Variants in GLDC observed in about 807,000 individuals in gnomAD.
The protein encoded by GLDC is glycine decarboxylase, also known as glycine dehydrogenase (decarboxylating), mitochondrial.
A neutral mutation model predicts 121.3 loss-of-function variants in GLDC; 104 were observed. The observed-to-expected ratio is 0.86, with a 90% confidence interval of 0.73 to 1.01. The LOEUF (loss-of-function observed/expected upper bound fraction) is 1.01. GLDC is among the 50% of genes least tolerant of loss of function. GLDC has a pLI of 0.00. For missense variants in GLDC, 1,429 were observed against 1,306.6 expected (o/e 1.09, Z -1.44); for synonymous variants, 546 against 480.6 (o/e 1.14, Z -1.78).
chr9:6,637,805 A>G (rs144885121), intron 2 of GLDC, among the ~76,000 whole-genome samples: 2 of 152,082 alleles, frequency 1.3e-5, no homozygotes, highest in South Asian at 4.2e-4. Flanking sequence ...AATTTTAATA[A>G]GAAAGGAAAA....
intron 16 of GLDC, among the ~76,000 whole-genome samples, chr9:6,560,150 T>C (rs971136778): frequency 2.0e-5 from 3 of 152,196 alleles, no homozygotes; most frequent in Non-Finnish European, 2.9e-5. Flanking sequence ...AGTGGGAAAG[T>C]AAGTCAGAAG....
intron 3 of GLDC, among the ~76,000 whole-genome samples, chr9:6,618,807 C>T (rs887656993): frequency 3.3e-5 from 5 of 151,996 alleles, no homozygotes; most frequent in Admixed American, 1.3e-4. Context: ...CCAGAGTGGA[C>T]AGGAGACAGA....
In GLDC at chr9:6,592,831, A is replaced by G; in HGVS notation, c.1401+20T>C. 1.2e-6 allele frequency: 2 copies of G among 1,609,520 alleles called. No individual in the cohort carries two copies. The highest frequency in any genetic ancestry group is 2.2e-5 in the South Asian group (2 of 90,752). On this transcript the variant is annotated intron_variant, in intron 10 of 24. Transcript: ENST00000321612. ...GTGAAAATTTGAAAAACTGGTAAAA[A>G]TACTGAAAATTTGACTTACTGTGCC... is the stretch of plus-strand genomic sequence containing the variant.
Position 6,604,637 on chromosome 9 carries a change from G to T in GLDC, c.1009C>A (p.Arg337=). 1 of 1,613,528 alleles carries T rather than the reference G, an allele frequency of 6.2e-7. No homozygotes were observed. Among genetic ancestry groups the T allele is most frequent in the Non-Finnish European group, 8.5e-7 (1 of 1,179,978 alleles). Reference sequence around the variant, plus strand: ...GGCATCATTCTCACCAAGCTTTCTCGGACAGCAAAAAATGCTGCATGGGGT... The same window carrying T: ...GGCATCATTCTCACCAAGCTTTCTCTGACAGCAAAAAATGCTGCATGGGGT... ...GGPHAAFFAV[R]ESLVRMMPGR... is the part of the protein sequence containing the mutation. Residue 337 remains arginine (R), a synonymous_variant, in exon 7 of 25, where the codon CGA becomes AGA. Transcript: ENST00000321612.
At chr9:6,599,318 A>T (rs1818552616) in intron 8 of GLDC, among the ~76,000 whole-genome samples, 1 of 152,210 alleles carries the variant, frequency 6.6e-6, no homozygotes, top group South Asian at 2.1e-4. Context: ...ACCTGGAGGA[A>T]CCTGAGGAGA....
chr9:6,639,669 G>GTATATATATATATTTATATATATA (rs1819588780), intron 2 of GLDC: 2 of 212,444 alleles, frequency 9.4e-6, no homozygotes, highest in Admixed American at 1.3e-4. Flanking sequence ...TAAAAAAAAA[G>GTATATATATATATTTATATATATA]TATATATATA....
intron 15 of GLDC, among the ~76,000 whole-genome samples, chr9:6,582,443 C>T (rs1323431048): frequency 4.6e-5 from 7 of 151,974 alleles, no homozygotes; most frequent in Non-Finnish European, 1.5e-5. Context: ...ATTACTTGAA[C>T]CTGGGAGGTG....
At chr9:6,575,130 C>A (rs982984117) in intron 15 of GLDC, among the ~76,000 whole-genome samples, 1 of 150,056 alleles carries the variant, frequency 6.7e-6, no homozygotes, top group Non-Finnish European at 1.5e-5. Context: ...CGCTTGAATT[C>A]GGGAGTCAGA....
intron 21 of GLDC, among the ~76,000 whole-genome samples, chr9:6,543,368 G>C (rs1010304971): frequency 6.6e-6 from 1 of 152,158 alleles, no homozygotes; most frequent in Non-Finnish European, 1.5e-5. Context: ...GCAGGGAGGG[G>C]AGGAGGGGAG....
chr9:6,569,258 G>C (rs1337919232), intron 15 of GLDC: 1 of 152,172 alleles, frequency 6.6e-6, no homozygotes, highest in Non-Finnish European at 1.5e-5. Flanking sequence ...CCTTTGCCAA[G>C]GTTGGAACGG....
intron 15 of GLDC, 198 bp from the exon 16 acceptor site, chr9:6,565,627 C>T (rs990127338): frequency 7.6e-6 from 5 of 660,208 alleles, no homozygotes; most frequent in Non-Finnish European, 1.4e-5. Context: ...GCAACAGCAT[C>T]CAGTTTGTGC....
At chr9:6,630,218 G>T in intron 2 of GLDC, among the ~76,000 whole-genome samples, 1 of 151,842 alleles carries the variant, frequency 6.6e-6, no homozygotes, top group African/African-American at 2.4e-5. Context: ...GCAGTGAGCC[G>T]AGATCGTGCC....
chr9:6,644,757 C>T lies in GLDC; in HGVS notation c.256-65G>A, dbSNP rs771628827. The T allele has an allele frequency of 1.6e-4, 175 of 1,109,650 alleles. No individual in the cohort carries two copies. In the Middle Eastern group the frequency reaches 1.8e-3, roughly 11 times the overall value. The allele number at this position is 1,109,650 out of a possible 1,614,324, so 68.7% of individuals were successfully genotyped here. ...TTAAAAGAGTCACCTCTGTGTTTTGCGACTACAAAGCCTTGTGGGAACCTC... is the reference window on the plus strand; with the variant it reads ...TTAAAAGAGTCACCTCTGTGTTTTGTGACTACAAAGCCTTGTGGGAACCTC... On this transcript the variant is annotated intron_variant, in intron 1 of 24. Transcript: ENST00000321612.
intron 22 of GLDC, among the ~76,000 whole-genome samples, chr9:6,537,794 C>T (rs903578625): frequency 1.3e-5 from 2 of 151,848 alleles, no homozygotes; most frequent in South Asian, 2.1e-4. Flanking sequence ...AAAAAAAAAA[C>T]ACTAACATCC....
chr9:6,612,238 TTCTC>T (rs748149263), intron 3 of GLDC, among the ~76,000 whole-genome samples: 15 of 136,140 alleles, frequency 1.1e-4, no homozygotes, highest in Non-Finnish European at 1.8e-4. Context: ...CACACACTCT[TTCTC>T]TCTCTCTCTC....
chr9:6,586,015 G>A (rs1366201074), intron 15 of GLDC, among the ~76,000 whole-genome samples: 3 of 152,176 alleles, frequency 2.0e-5, no homozygotes, highest in Non-Finnish European at 4.4e-5. Flanking sequence ...AAGATTCTAG[G>A]CCAGGCGTGG....
intron 1 of GLDC, 109 bp downstream of exon 1, chr9:6,645,136 G>C: frequency 8.6e-7 from 1 of 1,157,640 alleles, no homozygotes; most frequent in Non-Finnish European, 1.2e-6. Context: ...CCAGGGTGCG[G>C]GGACCACGCG....
intron 22 of GLDC, among the ~76,000 whole-genome samples, chr9:6,537,088 T>G (rs2129652581): frequency 6.6e-6 from 1 of 151,562 alleles, no homozygotes; most frequent in East Asian, 1.9e-4. Flanking sequence ...TAGAGTGCAC[T>G]GGCACACTCA....
At chr9:6,642,436 C>A (rs1343879050) in intron 2 of GLDC, among the ~76,000 whole-genome samples, 3 of 152,090 alleles carry the variant, frequency 2.0e-5, no homozygotes, top group Non-Finnish European at 4.4e-5. Context: ...GAGGCTGAGG[C>A]AGGAGAATGG....
Sources: allele counts gnomAD v4.1 joint callset (sites outside exome capture counted in the v4.1 genomes callset), GRCh38; gene constraint gnomAD v4.1.1; transcripts MANE v1.5; gene names NCBI Gene and HGNC (gene_info 2026-07-23, HGNC 2026-07-21).